The following SEC24A variants were observed in gnomAD, a reference collection of about 807,000 sequenced individuals.
SEC24A encodes SEC24 homolog A, COPII component.
Under a neutral mutation model 129.4 loss-of-function variants are expected in SEC24A, and 93 were observed. That is an observed-to-expected ratio of 0.72 (90% CI 0.61 to 0.85). SEC24A has a LOEUF of 0.85. Among genes scored for constraint, SEC24A ranks in the 40% least tolerant of loss-of-function variants. The pLI, the probability that SEC24A is intolerant of heterozygous loss-of-function variation, is 0.00. For missense variants in SEC24A, 1,264 were observed against 1,307.4 expected (o/e 0.97, Z 0.51); for synonymous variants, 460 against 467.3 (o/e 0.98, Z 0.20).
rs773455343 is a variant in SEC24A at position 134,666,883 on chromosome 5, C to T, written c.626C>T (p.Pro209Leu). ...PLPTTFQPGA[P>L]HGPPPAGGPP... ...CCTACAACTTTTCAACCAGGAGCTC[C>T]TCATGGGCCCCCTCCAGCTGGAGGC... The change falls in exon 3 of 23, where the codon CCT becomes CTT. Residue 209 changes from proline (P) to leucine (L), a missense_variant. Physicochemically the swap from Pro to Leu is moderately conservative, Grantham distance 98. Transcript: ENST00000398844. 1 of 1,614,044 alleles carries T rather than the reference C, an allele frequency of 6.2e-7. No homozygotes were observed. The highest frequency in any genetic ancestry group is 1.1e-5 in the South Asian group (1 of 91,080).
chr5:134,670,303 C>T (rs1215353488), intron 3 of SEC24A, among the ~76,000 whole-genome samples: 1 of 152,168 alleles, frequency 6.6e-6, no homozygotes, highest in Non-Finnish European at 1.5e-5. Flanking sequence ...CTGTGGTTTT[C>T]TGTTACAAAT....
At chr5:134,715,236 A>G in intron 19 of SEC24A, 75 bp downstream of exon 19, 1 of 1,258,344 alleles carries the variant, frequency 7.9e-7, no homozygotes, top group Non-Finnish European at 1.1e-6. Flanking sequence ...AGAAATGAGG[A>G]AGGGTTTGTT....
Position 134,697,932 on chromosome 5 carries a change from A to G in SEC24A, c.2141A>G (p.Tyr714Cys), listed in dbSNP as rs757378969. 1.2e-6 allele frequency: 2 copies of G among 1,613,966 alleles called. No homozygotes were observed. Among genetic ancestry groups the G allele is most frequent in the Admixed American group, 1.7e-5 (1 of 59,974 alleles). ...TCTCGGTATTCAGCAGGTAGTGTCT[A>G]TTACTATCCCTCTTACCATCATCAG... ...CISRYSAGSV[Y>C]YYPSYHHQHN... is the part of the protein sequence containing the mutation. The change falls in exon 15 of 23, where the codon TAT becomes TGT. Residue 714 changes from tyrosine (Y) to cysteine (C), a missense_variant. Physicochemically the swap from Tyr to Cys is radical, Grantham distance 194. Coordinates refer to ENST00000398844, the MANE Select transcript of SEC24A (RefSeq NM_021982.3).
intron 1 of SEC24A, among the ~76,000 whole-genome samples, chr5:134,657,974 A>G (rs1750304283): frequency 1.3e-5 from 2 of 152,230 alleles, no homozygotes; most frequent in Non-Finnish European, 2.9e-5. Flanking sequence ...AAACATTAAA[A>G]ATATCAACAT....
intron 18 of SEC24A, among the ~76,000 whole-genome samples, chr5:134,709,516 A>G (rs748880743): frequency 6.6e-5 from 10 of 152,224 alleles, no homozygotes; most frequent in Non-Finnish European, 8.8e-5. Flanking sequence ...TGATGCAAGA[A>G]GGCACACATG....
rs370439932 is a variant in SEC24A, at chr5:134,693,883, G to T, written c.1936G>T (p.Val646Leu). ...VFQTQLPTLG[V>L]GALKPREEPN... ...TCAAACACAACTCCCAACTCTTGGA[G>T]TGGGAGCCCTGAAACCACGAGAGGA... Residue 646 changes from valine to leucine, a missense_variant, in exon 13 of 23, where the codon GTG becomes TTG. Coordinates refer to ENST00000398844, the MANE Select transcript of SEC24A (RefSeq NM_021982.3). 2.5e-6 allele frequency: 4 copies of T among 1,614,032 alleles called. No homozygotes were observed. Among genetic ancestry groups the T allele is most frequent in the East Asian group, 2.2e-5 (1 of 44,898 alleles).
chr5:134,718,686 A>G (rs958855575), intron 20 of SEC24A, among the ~76,000 whole-genome samples: 2 of 152,136 alleles, frequency 1.3e-5, no homozygotes, highest in Non-Finnish European at 1.5e-5. Flanking sequence ...AATTTTAAAA[A>G]TAGGGCCGGG....
intron 12 of SEC24A, 75 bp from the exon 13 acceptor site, chr5:134,693,652 T>C (rs1751731432): frequency 6.5e-6 from 10 of 1,546,444 alleles, no homozygotes; most frequent in Non-Finnish European, 8.7e-6. Flanking sequence ...GTCTTGTCTA[T>C]TGTATGAGAT....
intron 18 of SEC24A, among the ~76,000 whole-genome samples, chr5:134,709,531 G>A (rs916766144): frequency 6.6e-6 from 1 of 152,186 alleles, no homozygotes; most frequent in Non-Finnish European, 1.5e-5. Flanking sequence ...CACATGCACT[G>A]TGTGTTCTCA....
Position 134,682,412 on chromosome 5 carries a change from A to G in SEC24A, c.1421A>G (p.Tyr474Cys). Residue 474 changes from tyrosine to cysteine, a missense_variant, in exon 9 of 23, where the codon TAT (tyrosine) becomes TGT (cysteine). Tyr to Cys is a radical substitution (Grantham distance 194). Coordinates refer to ENST00000398844, the MANE Select transcript of SEC24A (RefSeq NM_021982.3). ...EFLYNPLTRV[Y>C]GEPHRRPEVQ... ...TTGTACAACCCTTTGACCAGAGTTT[A>G]TGGAGAACCTCACAGAAGACCAGAA... 1.9e-6 allele frequency: 3 copies of G among 1,608,500 alleles called. No homozygotes were observed. Among genetic ancestry groups the G allele is most frequent in the African/African-American group, 1.3e-5 (1 of 74,942 alleles).
intron 9 of SEC24A, among the ~76,000 whole-genome samples, chr5:134,686,119 A>T (rs1283730298): frequency 1.3e-5 from 2 of 152,222 alleles, no homozygotes. Context: ...TCCAACAAAC[A>T]TATTGAAAAA....
chr5:134,665,311 G>T (rs995229466), intron 2 of SEC24A, among the ~76,000 whole-genome samples: 1 of 150,786 alleles, frequency 6.6e-6, no homozygotes, highest in South Asian at 2.1e-4. Flanking sequence ...AAAATTAGCC[G>T]GGCGTGGTGG....
intron 1 of SEC24A, among the ~76,000 whole-genome samples, chr5:134,652,078 C>T (rs1188702961): frequency 6.6e-6 from 1 of 150,816 alleles, no homozygotes; most frequent in African/African-American, 2.4e-5. Context: ...CATGCCACCA[C>T]ACCCGGCTAA....
Position 134,697,887 on chromosome 5 carries a change from G to T in SEC24A, c.2108-12G>T. 1 of 1,607,310 alleles carries T rather than the reference G, an allele frequency of 6.2e-7. No individual in the cohort carries two copies. The highest frequency in any genetic ancestry group is 8.5e-7 in the Non-Finnish European group (1 of 1,177,768). ...AACGGCACAGTTTAAAACAGTGTGT[G>T]TTCTCTTCCAGGTTGTATTTCTCGG... On this transcript the variant is annotated splice_polypyrimidine_tract_variant and intron_variant, in intron 14 of 22. Coordinates refer to ENST00000398844, the MANE Select transcript of SEC24A (RefSeq NM_021982.3).
intron 1 of SEC24A, among the ~76,000 whole-genome samples, chr5:134,652,668 A>G (rs1192511634): frequency 6.6e-6 from 1 of 151,916 alleles, no homozygotes; most frequent in African/African-American, 2.4e-5. Context: ...GCTCACTGCA[A>G]CCTCCACCTC....
intron 9 of SEC24A, among the ~76,000 whole-genome samples, chr5:134,685,527 A>G (rs1328737917): frequency 3.3e-5 from 5 of 152,192 alleles, no homozygotes; most frequent in Admixed American, 1.3e-4. Flanking sequence ...ATTGTATGTA[A>G]GGGAATTGAG....
At chr5:134,657,769 G>A (rs535472889) in intron 1 of SEC24A, among the ~76,000 whole-genome samples, 1 of 152,098 alleles carries the variant, frequency 6.6e-6, no homozygotes, top group South Asian at 2.1e-4. Context: ...TAGAGACGAG[G>A]TCTCACTATA....
At chr5:134,693,033 T>G in intron 12 of SEC24A, 1 of 1,535,774 alleles carries the variant, frequency 6.5e-7, no homozygotes, top group South Asian at 1.2e-5. Flanking sequence ...ATTCACAGAG[T>G]GTCATTGGGG....
At chr5:134,665,270 A>G (rs1378934937) in intron 2 of SEC24A, among the ~76,000 whole-genome samples, 1 of 150,816 alleles carries the variant, frequency 6.6e-6, no homozygotes, top group African/African-American at 2.4e-5. Flanking sequence ...CCTGGCCAAT[A>G]TGGTGAAACC....
Sources: allele counts gnomAD v4.1 joint callset (sites outside exome capture counted in the v4.1 genomes callset), GRCh38; gene constraint gnomAD v4.1.1; transcripts MANE v1.5; gene names NCBI Gene and HGNC (gene_info 2026-07-23, HGNC 2026-07-21).